The following RBFOX1 variants were observed in gnomAD, a reference collection of about 807,000 sequenced individuals.
RBFOX1 encodes the protein RNA binding fox-1 homolog 1.
A neutral mutation model predicts 57.7 loss-of-function variants in RBFOX1; 8 were observed. The ratio of observed to expected loss-of-function variants is 0.14; its 90% CI spans 0.08 to 0.25. The LOEUF (loss-of-function observed/expected upper bound fraction) is 0.25. Ranked by LOEUF, RBFOX1 falls within the 10% of genes least tolerant of loss-of-function variation. The pLI is 1.00. For missense variants in RBFOX1, 611 were observed against 548.5 expected, an observed-to-expected ratio of 1.11 and a Z score of -1.14; for synonymous variants, 326 against 222.4, an observed-to-expected ratio of 1.47 and a Z score of -4.15.
intron 3 of RBFOX1, among the ~76,000 whole-genome samples, chr16:5,673,725 T>C (rs1435926803): frequency 1.3e-5 from 2 of 152,222 alleles, no homozygotes; most frequent in African/African-American, 4.8e-5. Context: ...CTCCTGTCTG[T>C]ATCCACACCT....
At chr16:6,057,857 C>G (rs1431366341) in intron 1 of RBFOX1, among the ~76,000 whole-genome samples, 1 of 72,208 alleles carries the variant, frequency 1.4e-5, no homozygotes, top group Non-Finnish European at 2.5e-5. Context: ...TTGAGGCAAA[C>G]ATAACTTTGT....
chr16:6,199,881 G>A (rs570039760), intron 1 of RBFOX1, among the ~76,000 whole-genome samples: 2 of 152,280 alleles, frequency 1.3e-5, no homozygotes, highest in African/African-American at 4.8e-5. Flanking sequence ...ATGAAGACTA[G>A]AAGAAAAACA....
At position 5,707,112 on chromosome 16, in the gene RBFOX1, A is replaced by C. The variant is rs188269463; in HGVS notation, c.318+108151A>C. 3.4e-3 allele frequency among the ~76,000 whole-genome samples: 511 copies of C among 152,088 alleles called. 4 individuals carry two copies. The highest frequency in any genetic ancestry group is 0.014 in the Middle Eastern group (4 of 294). On this transcript the variant is annotated intron_variant, in intron 3 of 19. Transcript: ENST00000641259. ...CCCAGCCAGCCAAGTCAGGATTTGG[A>C]TTTTTCACGACTCTCCCATTCCCAG...
intron 4 of RBFOX1, among the ~76,000 whole-genome samples, chr16:7,232,854 TA>T (rs35209426): frequency 3.5e-3 from 446 of 128,622 alleles, no homozygotes; most frequent in African/African-American, 6.5e-3. Context: ...ATCTCTTAAT[TA>T]AAAAAAAAAA....
At chr16:6,944,721 C>G (rs2079163491) in intron 3 of RBFOX1, among the ~76,000 whole-genome samples, 1 of 152,182 alleles carries the variant, frequency 6.6e-6, no homozygotes, top group African/African-American at 2.4e-5. Flanking sequence ...GGCAACCTTT[C>G]TGCCCCTTGA....
chr16:6,315,123 T>A lies in RBFOX1; in HGVS notation c.-126-1872T>A, dbSNP rs559811341. On this transcript the variant is annotated intron_variant, in intron 1 of 15. Coordinates refer to ENST00000550418, the MANE Select transcript of RBFOX1 (RefSeq NM_018723.4). ...GCTACTTGTTTTACAAATATTAACT[T>A]TTAATATTCACCTGAATTCCTTGAG... Among the ~76,000 whole-genome samples, 4 of 152,362 alleles carry A rather than the reference T, an allele frequency of 2.6e-5. No homozygotes were observed. The East Asian group carries it at 7.7e-4, about 29-fold the overall frequency.
chr16:7,567,451 A>C (rs2092083452), intron 5 of RBFOX1, among the ~76,000 whole-genome samples: 1 of 119,028 alleles, frequency 8.4e-6, no homozygotes, highest in Non-Finnish European at 1.7e-5. Context: ...ATATATCCCT[A>C]TGTATGGCCC....
chr16:7,066,739 A>C (rs1311609923), intron 4 of RBFOX1, among the ~76,000 whole-genome samples: 2 of 152,168 alleles, frequency 1.3e-5, no homozygotes, highest in Admixed American at 1.3e-4. Context: ...GGTTGAAATC[A>C]TTTCTTCTTT....
At chr16:6,984,068 A>C (rs944469357) in intron 3 of RBFOX1, among the ~76,000 whole-genome samples, 1 of 152,068 alleles carries the variant, frequency 6.6e-6, no homozygotes. Flanking sequence ...ATCAACATGG[A>C]GAAACCCTGT....
chr16:6,363,744 C>G (rs989058004), intron 2 of RBFOX1, among the ~76,000 whole-genome samples: 9 of 152,174 alleles, frequency 5.9e-5, no homozygotes, highest in African/African-American at 2.2e-4. Context: ...AAATCAATCG[C>G]TCTGTTCACT....
chr16:7,455,514 G>A (rs566985693), intron 4 of RBFOX1, among the ~76,000 whole-genome samples: 105 of 152,102 alleles, frequency 6.9e-4, no homozygotes, highest in African/African-American at 1.9e-3. Context: ...ACACTTGGCC[G>A]GGCACCGTGG....
intron 4 of RBFOX1, among the ~76,000 whole-genome samples, chr16:7,344,477 A>G (rs897798433): frequency 1.3e-5 from 2 of 150,604 alleles, no homozygotes; most frequent in African/African-American, 4.9e-5. Context: ...ATATAACTAC[A>G]TAATGCCATA....
chr16:6,180,515 T>C (rs2097054597), intron 1 of RBFOX1, among the ~76,000 whole-genome samples: 1 of 152,004 alleles, frequency 6.6e-6, no homozygotes, highest in Non-Finnish European at 1.5e-5. Flanking sequence ...TTTCTTTTTT[T>C]TTTTCTTGGT....
At chr16:7,456,030 G>T (rs1183140576) in intron 4 of RBFOX1, among the ~76,000 whole-genome samples, 1 of 152,128 alleles carries the variant, frequency 6.6e-6, no homozygotes, top group Admixed American at 6.5e-5. Context: ...TGGTCATGCA[G>T]GGCCCCAGGC....
chr16:7,420,916 TATATATATACAC>T (rs2098535509), intron 4 of RBFOX1, among the ~76,000 whole-genome samples: 1 of 147,000 alleles, frequency 6.8e-6, no homozygotes, highest in African/African-American at 2.5e-5. Context: ...TATATACATA[TATATATATACAC>T]ATATATATAT....
intron 1 of RBFOX1, among the ~76,000 whole-genome samples, chr16:6,052,448 A>G (rs2095562001): frequency 6.6e-6 from 1 of 152,132 alleles, no homozygotes; most frequent in Non-Finnish European, 1.5e-5. Context: ...GTCAACCTCT[A>G]TACGCCTTGG....
rs1029587832 is a variant in RBFOX1, at chr16:7,693,239, T to C, written c.996-15817T>C. The stretch of plus-strand genomic sequence containing the variant: ...CAGCACCCTTCCCTCCCCTCATCTG[T>C]ACACATCGAAGCAATTGGCAGAGAG... On this transcript the variant is annotated intron_variant, in intron 14 of 15. Transcript: ENST00000550418. 25 of 1,266,614 alleles carry C rather than the reference T, an allele frequency of 2.0e-5. No homozygotes were observed. The South Asian group carries it at 2.5e-4, about 13-fold the overall frequency. 78.5% of individuals were successfully genotyped at this position (1,266,614 alleles called of 1,614,324 possible). A position where few individuals can be genotyped will look rare whatever the true frequency, so the allele number is the denominator to read the frequency against.
intron 2 of RBFOX1, among the ~76,000 whole-genome samples, chr16:5,546,730 A>T (rs2045222021): frequency 1.3e-5 from 2 of 152,234 alleles, no homozygotes; most frequent in Non-Finnish European, 2.9e-5. Context: ...CAAAAACAAG[A>T]CCTATTAAAA....
At chr16:5,534,620 A>G (rs1383835049) in intron 2 of RBFOX1, among the ~76,000 whole-genome samples, 1 of 152,114 alleles carries the variant, frequency 6.6e-6, no homozygotes, top group Admixed American at 6.6e-5. Flanking sequence ...ACCTTCTTCC[A>G]CCTGCTTTTT....
Sources: gnomAD v4.1 joint callset for allele counts (sites outside exome capture counted in the v4.1 genomes callset) on GRCh38, gnomAD v4.1.1 for gene constraint, MANE v1.5 for transcripts, NCBI Gene and HGNC (gene_info 2026-07-23, HGNC 2026-07-21) for gene names.